Variants in AFDN observed in about 807,000 individuals in gnomAD.
The protein encoded by AFDN is afadin, adherens junction formation factor, also known as afadin.
In AFDN, 68 loss-of-function variants were observed where a neutral mutation model predicts 216.6. The ratio of observed to expected loss-of-function variants is 0.31; its 90% CI spans 0.26 to 0.38. The LOEUF is 0.38. Among genes scored for constraint, AFDN ranks in the 10% least tolerant of loss-of-function variants. The pLI is 1.00. For synonymous variants in AFDN, 868 were observed against 853.7 expected (o/e 1.02, Z -0.29); for missense variants, 2,136 against 2,342.0 (o/e 0.91, Z 1.82).
chr6:167,874,608 TA>T (rs1785138560), intron 4 of AFDN, among the ~76,000 whole-genome samples: 6 of 142,998 alleles, frequency 4.2e-5, no homozygotes, highest in Non-Finnish European at 6.1e-5. Context: ...AAATTTGCTA[TA>T]ATTTTTTTTT....
At chr6:167,845,362 T>C (rs1781544100) in intron 1 of AFDN, among the ~76,000 whole-genome samples, 2 of 152,204 alleles carry the variant, frequency 1.3e-5, no homozygotes, top group African/African-American at 4.8e-5. Flanking sequence ...GTATTTTTGC[T>C]ATTAAATGAA....
intron 12 of AFDN, among the ~76,000 whole-genome samples, chr6:167,906,110 A>G (rs1034322552): frequency 1.3e-5 from 2 of 152,182 alleles, no homozygotes; most frequent in Non-Finnish European, 2.9e-5. Flanking sequence ...CCCAAGAAAA[A>G]AAACCAAAAA....
At chr6:167,906,922 T>G (rs1216655499) in intron 12 of AFDN, among the ~76,000 whole-genome samples, 1 of 152,266 alleles carries the variant, frequency 6.6e-6, no homozygotes, top group African/African-American at 2.4e-5. Flanking sequence ...TGCCTGCCTG[T>G]GTTTTAAAGG....
intron 23 of AFDN, among the ~76,000 whole-genome samples, chr6:167,932,988 A>T (rs1333845020): frequency 6.6e-6 from 1 of 152,126 alleles, no homozygotes; most frequent in Non-Finnish European, 1.5e-5. Flanking sequence ...TATGCTTCTT[A>T]TTTAAGAAAA....
At chr6:167,826,838 A>ACGGCGGGCGGCGGCGCGCACGG (rs1743934560), upstream of AFDN, 7 of 136,556 alleles carry the variant, frequency 5.1e-5, no homozygotes, top group South Asian at 2.2e-4. Flanking sequence ...GGCGGCGCGC[A>ACGGCGGGCGGCGGCGCGCACGG]CGGCGGGCGG....
At chr6:167,862,912 GT>G (rs1420346666) in intron 1 of AFDN, among the ~76,000 whole-genome samples, 1 of 152,138 alleles carries the variant, frequency 6.6e-6, no homozygotes, top group African/African-American at 2.4e-5. Flanking sequence ...GGTAAGTGTT[GT>G]TTCTGAACAT....
chr6:167,838,438 T>G (rs973732180), intron 1 of AFDN, among the ~76,000 whole-genome samples: 1 of 152,218 alleles, frequency 6.6e-6, no homozygotes, highest in Non-Finnish European at 1.5e-5. Flanking sequence ...AATTAAACAA[T>G]AAACAAAATG....
At chr6:167,917,049 T>C (rs1487829918) in intron 19 of AFDN, 40 bp from the exon 20 acceptor site, 8 of 1,578,242 alleles carry the variant, frequency 5.1e-6, no homozygotes, top group Non-Finnish European at 6.9e-6. Context: ...GAAATAACTT[T>C]ACAAGTGTGA....
chr6:167,836,505 T>C (rs1472855180), intron 1 of AFDN, among the ~76,000 whole-genome samples: 1 of 152,206 alleles, frequency 6.6e-6, no homozygotes, highest in Non-Finnish European at 1.5e-5. Context: ...TATGGATTTT[T>C]AATACTTCAA....
At chr6:167,896,798 A>G (rs989713205) in intron 9 of AFDN, 80 bp from the exon 10 acceptor site, 1 of 827,498 alleles carries the variant, frequency 1.2e-6, no homozygotes, top group Non-Finnish European at 2.0e-6. Flanking sequence ...AGTGCCTGAG[A>G]TAACCTTTTG....
At chr6:167,889,464 A>T (rs1179255121) in intron 7 of AFDN, 138 bp downstream of exon 7, 1 of 610,142 alleles carries the variant, frequency 1.6e-6, no homozygotes, top group East Asian at 2.9e-5. Flanking sequence ...AGACAGTCTC[A>T]CTCTTGTTGC....
intron 31 of AFDN, chr6:167,963,763 T>G: frequency 9.4e-7 from 1 of 1,062,354 alleles, no homozygotes; most frequent in Non-Finnish European, 1.1e-6. Flanking sequence ...CTGTGAGTCT[T>G]TCACTTGTGT....
At chr6:167,829,524 A>G (rs1357779875) in intron 1 of AFDN, among the ~76,000 whole-genome samples, 1 of 152,152 alleles carries the variant, frequency 6.6e-6, no homozygotes, top group Non-Finnish European at 1.5e-5. Flanking sequence ...CTGCAAGAAC[A>G]GAAGCATTGT....
intron 1 of AFDN, among the ~76,000 whole-genome samples, chr6:167,853,953 A>G (rs1046415647): frequency 3.9e-5 from 6 of 151,998 alleles, no homozygotes; most frequent in African/African-American, 1.4e-4. Flanking sequence ...CGCATTTCAT[A>G]TGTATTTTTT....
intron 1 of AFDN, among the ~76,000 whole-genome samples, chr6:167,845,751 A>G (rs1002338816): frequency 6.6e-5 from 10 of 152,198 alleles, no homozygotes; most frequent in Admixed American, 3.3e-4. Flanking sequence ...CTGAGTGAGC[A>G]CTTATTTTTT....
At position 167,918,813 on chromosome 6, in the gene AFDN, T is replaced by C. The variant is rs1018814350; in HGVS notation, c.2788T>C (p.Leu930=). The C allele has an allele frequency of 5.0e-6, 8 of 1,612,822 alleles. No homozygotes were observed. Among genetic ancestry groups the C allele is most frequent in the Non-Finnish European group, 5.9e-6 (7 of 1,179,304 alleles). The change falls in exon 21 of 34, where the codon TTG becomes CTG. Residue 930 remains leucine, a synonymous_variant. Transcript: ENST00000683244. ...LARSDGREVQ[L]EEDPDLQLPF... is the part of the protein sequence containing the mutation. ...CCGCAGTGATGGAAGGGAAGTGCAG[T>C]TGGAGGAGGATCCTGATCTGCAGCT...
intron 23 of AFDN, among the ~76,000 whole-genome samples, chr6:167,937,830 A>T (rs532860410): frequency 7.9e-5 from 12 of 152,220 alleles, no homozygotes; most frequent in African/African-American, 2.9e-4. Context: ...TAATGGGCAT[A>T]TCGGTTGCTT....
At chr6:167,831,853 T>G (rs1233918986) in intron 1 of AFDN, among the ~76,000 whole-genome samples, 1 of 152,240 alleles carries the variant, frequency 6.6e-6, no homozygotes, top group Non-Finnish European at 1.5e-5. Flanking sequence ...CTAATTTGTT[T>G]ATAAACAGTT....
intron 1 of AFDN, among the ~76,000 whole-genome samples, chr6:167,864,099 G>A (rs932368399): frequency 1.3e-5 from 2 of 152,108 alleles, no homozygotes; most frequent in Admixed American, 6.5e-5. Flanking sequence ...GTACAGGCAC[G>A]GACTTTGGAG....
Sources: gnomAD v4.1 joint callset for allele counts (sites outside exome capture counted in the v4.1 genomes callset) on GRCh38, gnomAD v4.1.1 for gene constraint, MANE v1.5 for transcripts, NCBI Gene and HGNC (gene_info 2026-07-23, HGNC 2026-07-21) for gene names.